AUTS2: variants seen among roughly 807,000 people sequenced by gnomAD.
The protein encoded by AUTS2 is activator of transcription and developmental regulator AUTS2.
In AUTS2, 17 loss-of-function variants were observed where a neutral mutation model predicts 112.4. That is an observed-to-expected ratio of 0.15 (90% CI 0.10 to 0.23). The LOEUF (loss-of-function observed/expected upper bound fraction) is 0.23. Ranked by LOEUF, AUTS2 falls within the 10% of genes least tolerant of loss-of-function variation. The pLI is 1.00. For synonymous variants in AUTS2, 751 were observed against 702.7 expected (o/e 1.07, Z -1.09); for missense variants, 1,510 against 1,701.6 (o/e 0.89, Z 1.98).
chr7:70,302,482 A>T (rs561823654), intron 4 of AUTS2, among the ~76,000 whole-genome samples: 5 of 152,238 alleles, frequency 3.3e-5, no homozygotes, highest in African/African-American at 1.2e-4. Context: ...TATAGTCATT[A>T]AAAAACACCA....
intron 1 of AUTS2, among the ~76,000 whole-genome samples, chr7:69,792,928 C>A (rs531833215): frequency 6.6e-6 from 1 of 152,208 alleles, no homozygotes; most frequent in South Asian, 2.1e-4. Context: ...TGCCTTAGGA[C>A]CTTCTTTCTC....
At chr7:70,771,909 A>G (rs1178698740) in intron 11 of AUTS2, among the ~76,000 whole-genome samples, 1 of 152,152 alleles carries the variant, frequency 6.6e-6, no homozygotes, top group Non-Finnish European at 1.5e-5. Flanking sequence ...AATATACACA[A>G]TATTTATTTT....
At chr7:70,396,752 C>A (rs901457029) in intron 4 of AUTS2, among the ~76,000 whole-genome samples, 3 of 152,020 alleles carry the variant, frequency 2.0e-5, no homozygotes, top group African/African-American at 7.2e-5. Flanking sequence ...ATGGATATAC[C>A]ATAATTATTT....
At chr7:70,676,150 T>G (rs73180204) in intron 5 of AUTS2, among the ~76,000 whole-genome samples, 17,123 of 152,140 alleles carry the variant, frequency 0.11, 1,338 homozygotes, top group East Asian at 0.41. Flanking sequence ...AGAAGAAGAA[T>G]AAGATATAGG....
intron 5 of AUTS2, among the ~76,000 whole-genome samples, chr7:70,618,759 G>GGA (rs1280459511): frequency 2.0e-5 from 3 of 151,822 alleles, no homozygotes; most frequent in East Asian, 3.9e-4. Context: ...GGAAACACAG[G>GGA]GAGAGAGAGA....
Position 69,604,342 on chromosome 7 carries a change from A to G in AUTS2, c.309+4380A>G, listed in dbSNP as rs1394343113. ...TCACATGCCTTCTGTCAGTCTGCAG[A>G]TATTTATGGAGTGCTTAATATGTAC... On this transcript the variant is annotated intron_variant, in intron 1 of 18. Transcript: ENST00000342771. Among the ~76,000 whole-genome samples the G allele has an allele frequency of 2.6e-5, 4 of 152,256 alleles. No individual in the cohort carries two copies. The East Asian group carries it at 7.7e-4, about 29-fold the overall frequency.
intron 2 of AUTS2, among the ~76,000 whole-genome samples, chr7:70,043,259 T>C (rs2129558080): frequency 6.6e-6 from 1 of 152,240 alleles, no homozygotes; most frequent in East Asian, 1.9e-4. Context: ...GAAGATAGAA[T>C]TAGCTTTATT....
At chr7:70,095,038 A>G (rs1158531334) in intron 2 of AUTS2, among the ~76,000 whole-genome samples, 3 of 152,196 alleles carry the variant, frequency 2.0e-5, no homozygotes, top group South Asian at 2.1e-4. Context: ...CAAAGAGGAT[A>G]TTCTGTTCTT....
intron 1 of AUTS2, among the ~76,000 whole-genome samples, chr7:69,709,367 A>T (rs2082085648): frequency 6.6e-6 from 1 of 152,140 alleles, no homozygotes; most frequent in African/African-American, 2.4e-5. Context: ...GCTGCTATCT[A>T]GGTGGAGTTA....
intron 4 of AUTS2, among the ~76,000 whole-genome samples, chr7:70,316,490 A>C (rs1585010088): frequency 7.4e-6 from 1 of 135,550 alleles, no homozygotes; most frequent in South Asian, 2.3e-4. Flanking sequence ...TGCAACACCC[A>C]CCTTCCAGAT....
chr7:69,781,371 C>A (rs565624867), intron 1 of AUTS2, among the ~76,000 whole-genome samples: 1 of 152,276 alleles, frequency 6.6e-6, no homozygotes, highest in African/African-American at 2.4e-5. Context: ...AAAGAGGGGG[C>A]CAATTTATGG....
At chr7:70,016,879 GC>G (rs1800054409) in intron 2 of AUTS2, among the ~76,000 whole-genome samples, 1 of 152,054 alleles carries the variant, frequency 6.6e-6, no homozygotes, top group South Asian at 2.1e-4. Flanking sequence ...TGTTGGCCAG[GC>G]TGGTCTCGAA....
At chr7:70,025,450 C>CTTT (rs970909285) in intron 2 of AUTS2, among the ~76,000 whole-genome samples, 27 of 134,486 alleles carry the variant, frequency 2.0e-4, no homozygotes, top group African/African-American at 7.4e-4. Context: ...TTTTTGTTTC[C>CTTT]TTTTTTTTTT....
At chr7:70,621,295 T>A (rs1804660538) in intron 5 of AUTS2, among the ~76,000 whole-genome samples, 1 of 152,178 alleles carries the variant, frequency 6.6e-6, no homozygotes. Context: ...AGACTCAAAC[T>A]GTATTCACTG....
chr7:70,670,318 G>A (rs151118792), intron 5 of AUTS2, among the ~76,000 whole-genome samples: 20 of 152,228 alleles, frequency 1.3e-4, no homozygotes, highest in East Asian at 9.6e-4. Flanking sequence ...TTTCTGCAGC[G>A]TCTTAGTCAA....
At chr7:70,309,445 C>A (rs1331888534) in intron 4 of AUTS2, among the ~76,000 whole-genome samples, 2 of 152,164 alleles carry the variant, frequency 1.3e-5, no homozygotes, top group East Asian at 3.8e-4. Context: ...TGGTCCAAAT[C>A]CTATAAAGGT....
intron 1 of AUTS2, among the ~76,000 whole-genome samples, chr7:69,837,694 G>A (rs527573028): frequency 2.3e-4 from 35 of 152,142 alleles, no homozygotes; most frequent in Non-Finnish European, 4.4e-4. Context: ...ATCAAGAGGC[G>A]TCATGTTTGT....
intron 1 of AUTS2, among the ~76,000 whole-genome samples, chr7:69,708,264 CTA>C (rs1435055898): frequency 6.6e-6 from 1 of 152,094 alleles, no homozygotes; most frequent in Non-Finnish European, 1.5e-5. Flanking sequence ...CTCACCTCCT[CTA>C]AATTCTTTTT....
chr7:70,770,020 G>T (rs575506699), intron 10 of AUTS2, among the ~76,000 whole-genome samples: 7 of 152,300 alleles, frequency 4.6e-5, no homozygotes, highest in Admixed American at 1.3e-4. Context: ...AGAAATTTGA[G>T]TGTGTTTCAC....
Sources: allele counts gnomAD v4.1 joint callset (sites outside exome capture counted in the v4.1 genomes callset), GRCh38; gene constraint gnomAD v4.1.1; transcripts MANE v1.5; gene names NCBI Gene and HGNC (gene_info 2026-07-23, HGNC 2026-07-21).